The following UBE3C variants were observed in gnomAD, a reference collection of about 807,000 sequenced individuals.
UBE3C encodes ubiquitin-protein ligase E3C.
UBE3C carries 42 observed loss-of-function variants against 129.4 expected under a neutral mutation model. The observed-to-expected ratio is 0.32, with a 90% CI of 0.25 to 0.42. UBE3C has a LOEUF of 0.42. UBE3C is among the 10% of genes least tolerant of loss of function. The probability of loss-of-function intolerance (pLI) is 1.00; values close to 1 mark genes in which losing one functional copy is unlikely to be tolerated. For synonymous variants in UBE3C, 510 were observed against 492.4 expected (o/e 1.04, Z -0.47); for missense variants, 1,049 against 1,319.1 (o/e 0.80, Z 3.17).
intron 21 of UBE3C, 197 bp from the exon 22 acceptor site, chr7:157,256,717 G>A (rs1292505126): frequency 1.2e-5 from 7 of 565,598 alleles, no homozygotes; most frequent in Non-Finnish European, 1.9e-5. Context: ...GGCATGAGAT[G>A]GGATTGTACC....
At position 157,186,999 on chromosome 7, in the gene UBE3C, C is replaced by T. The variant is rs779766515; in HGVS notation, c.1309C>T (p.Arg437Cys). 1.6e-5 allele frequency: 25 copies of T among 1,607,654 alleles called. No individual in the cohort carries two copies. The highest frequency in any genetic ancestry group is 1.7e-4 in the Middle Eastern group (1 of 6,042). Reference protein sequence around the residue: ...SVCHTLMVQHRMMVPKVRLLY... With the variant: ...SVCHTLMVQHCMMVPKVRLLY... Reference sequence around the variant, plus strand: ...CTGCCACACGCTGATGGTGCAGCACCGCATGATGGTACCCAAAGTCAGGCA... The same window carrying T: ...CTGCCACACGCTGATGGTGCAGCACTGCATGATGGTACCCAAAGTCAGGCA... Residue 437 changes from arginine (R) to cysteine (C), a missense_variant, in exon 10 of 23, where the codon CGC (arginine) becomes TGC (cysteine). Physicochemically the swap from Arg to Cys is radical, Grantham distance 180 (BLOSUM62 -3). Transcript: ENST00000348165.
At position 157,154,357 on chromosome 7, in the gene UBE3C, C is replaced by A. The variant is rs138778270; in HGVS notation, c.67-9453C>A. Among the ~76,000 whole-genome samples, 4 of 152,120 alleles carry A rather than the reference C, an allele frequency of 2.6e-5. No homozygotes were observed. The East Asian group carries it at 7.7e-4, about 29-fold the overall frequency. On this transcript the variant is annotated intron_variant, in intron 1 of 22. Transcript: ENST00000348165. ...AAAGGTCAGACCTTCTAAAGAGTAT[C>A]CATGAAATCATCTTCTCACTGAATC... is the stretch of plus-strand genomic sequence containing the variant.
chr7:157,239,919 G>C (rs553303488), intron 18 of UBE3C, among the ~76,000 whole-genome samples: 2 of 152,290 alleles, frequency 1.3e-5, no homozygotes, highest in Middle Eastern at 3.4e-3. Context: ...TGCTTTCTGG[G>C]TGATGCAGCA....
intron 19 of UBE3C, among the ~76,000 whole-genome samples, chr7:157,249,164 G>A (rs1208187778): frequency 6.6e-6 from 1 of 152,102 alleles, no homozygotes; most frequent in African/African-American, 2.4e-5. Context: ...TCGTAGAGGT[G>A]TGCAGCCATC....
chr7:157,266,003 G>A (rs923166688), intron 22 of UBE3C, among the ~76,000 whole-genome samples: 4 of 152,064 alleles, frequency 2.6e-5, no homozygotes, highest in Non-Finnish European at 2.9e-5. Context: ...CCTCAATTTC[G>A]TCTTGTAATT....
At chr7:157,174,476 C>G (rs1808461625) in intron 4 of UBE3C, among the ~76,000 whole-genome samples, 2 of 151,508 alleles carry the variant, frequency 1.3e-5, no homozygotes, top group Admixed American at 1.3e-4. Flanking sequence ...GAGACAGGGT[C>G]TCTCTCTCTC....
intron 11 of UBE3C, 90 bp from the exon 12 acceptor site, chr7:157,207,308 T>G (rs1809459251): frequency 6.6e-7 from 1 of 1,511,878 alleles, no homozygotes; most frequent in Admixed American, 2.2e-5. Context: ...TTTCCCTGAT[T>G]ATATTTGTTT....
chr7:157,237,174 G>T (rs914305900), intron 18 of UBE3C, among the ~76,000 whole-genome samples: 2 of 152,154 alleles, frequency 1.3e-5, no homozygotes, highest in Non-Finnish European at 2.9e-5. Flanking sequence ...GGGTGCAGTG[G>T]CTCATGCCTG....
At chr7:157,203,723 A>G (rs1322814856) in intron 11 of UBE3C, among the ~76,000 whole-genome samples, 1 of 152,204 alleles carries the variant, frequency 6.6e-6, no homozygotes, top group Non-Finnish European at 1.5e-5. Flanking sequence ...AGACAGTTTG[A>G]TAATTTGAAT....
At chr7:157,258,544 C>G (rs1037871836) in intron 22 of UBE3C, among the ~76,000 whole-genome samples, 1 of 152,242 alleles carries the variant, frequency 6.6e-6, no homozygotes, top group African/African-American at 2.4e-5. Flanking sequence ...ACTGCAACCT[C>G]TGCCTCACAG....
chr7:157,160,392 A>C (rs1207554628), intron 1 of UBE3C, among the ~76,000 whole-genome samples: 2 of 152,214 alleles, frequency 1.3e-5, no homozygotes, highest in Admixed American at 6.5e-5. Flanking sequence ...ATTTAACTTT[A>C]AAAATACAGT....
chr7:157,176,831 A>G (rs554811502), intron 5 of UBE3C, among the ~76,000 whole-genome samples: 11 of 152,204 alleles, frequency 7.2e-5, no homozygotes, highest in Admixed American at 2.0e-4. Context: ...TGTTTTCTCT[A>G]AGGAGCACTG....
intron 22 of UBE3C, among the ~76,000 whole-genome samples, chr7:157,257,939 CT>C (rs2116702299): frequency 6.8e-6 from 1 of 146,646 alleles, no homozygotes; most frequent in South Asian, 2.1e-4. Flanking sequence ...TTCTTTTTTC[CT>C]TTTTTCTTTT....
intron 1 of UBE3C, among the ~76,000 whole-genome samples, chr7:157,158,849 T>C (rs1807989758): frequency 6.6e-6 from 1 of 152,144 alleles, no homozygotes; most frequent in African/African-American, 2.4e-5. Flanking sequence ...ACTCCAAGTG[T>C]GTTGAATGGT....
chr7:157,183,711 A>G (rs1307478505), intron 8 of UBE3C, among the ~76,000 whole-genome samples, 167 bp from the exon 9 acceptor site: 1 of 152,220 alleles, frequency 6.6e-6, no homozygotes. Flanking sequence ...TCTGACATGA[A>G]CGGGGACAAA....
chr7:157,192,480 C>G, intron 10 of UBE3C: 1 of 755,678 alleles, frequency 1.3e-6, no homozygotes, highest in Non-Finnish European at 2.4e-6. Context: ...GGAATTCCTC[C>G]TGATCAGCAA....
Position 157,138,927 on chromosome 7 carries a change from C to G in UBE3C, c.-346C>G, listed in dbSNP as rs1226960455. 2.6e-5 allele frequency: 4 copies of G among 151,872 alleles called. No homozygotes were observed. The highest frequency in any genetic ancestry group is 9.7e-5 in the African/African-American group (4 of 41,406). 9.4% of individuals were successfully genotyped at this position (151,872 alleles called of 1,614,324 possible). On this transcript the variant is annotated 5_prime_UTR_variant, in exon 1 of 23. Transcript: ENST00000348165. Reference sequence around the variant, plus strand: ...GGCCGCGCACGTCTGCAGGGCCGCGCACGCACTGACGGCTGACCGCCATCT... The same window carrying G: ...GGCCGCGCACGTCTGCAGGGCCGCGGACGCACTGACGGCTGACCGCCATCT...
intron 1 of UBE3C, chr7:157,139,901 A>G (rs1016404759): frequency 2.9e-6 from 2 of 692,642 alleles, no homozygotes; most frequent in African/African-American, 3.9e-5. Flanking sequence ...AGAACGTCTC[A>G]TGAATAGCCA....
At chr7:157,174,893 G>A in intron 4 of UBE3C, 26 bp from the exon 5 acceptor site, 2 of 1,535,380 alleles carry the variant, frequency 1.3e-6, no homozygotes, top group Non-Finnish European at 1.8e-6. Flanking sequence ...ATTGAGAGTT[G>A]TATATTTTAT....
Sources: gnomAD v4.1 joint callset for allele counts (sites outside exome capture counted in the v4.1 genomes callset) on GRCh38, gnomAD v4.1.1 for gene constraint, MANE v1.5 for transcripts, NCBI Gene and HGNC (gene_info 2026-07-23, HGNC 2026-07-21) for gene names.